HS3ST4: variants seen among roughly 807,000 people sequenced by gnomAD.
HS3ST4 encodes the protein heparan sulfate-glucosamine 3-sulfotransferase 4.
A neutral mutation model predicts 29.2 loss-of-function variants in HS3ST4; 17 were observed. That is an observed-to-expected ratio of 0.58 (90% CI 0.40 to 0.87). The LOEUF (loss-of-function observed/expected upper bound fraction) is 0.87. HS3ST4 is among the 40% of genes least tolerant of loss of function. The pLI is 0.00. For synonymous variants in HS3ST4, 314 were observed against 285.7 expected (o/e 1.10, Z -1.00); for missense variants, 627 against 634.5 (o/e 0.99, Z 0.13).
intron 1 of HS3ST4, among the ~76,000 whole-genome samples, chr16:25,862,514 G>A (rs1021449431): frequency 2.0e-5 from 3 of 152,136 alleles, no homozygotes; most frequent in Non-Finnish European, 2.9e-5. Context: ...ATGTAATGCC[G>A]ATGCTGATAT....
chr16:26,037,038 T>C (rs1383829306), intron 1 of HS3ST4, among the ~76,000 whole-genome samples: 1 of 152,184 alleles, frequency 6.6e-6, no homozygotes, highest in Non-Finnish European at 1.5e-5. Context: ...AACCCTCCCA[T>C]TGTGTGACTT....
At chr16:25,799,372 A>C (rs1324844581) in intron 1 of HS3ST4, among the ~76,000 whole-genome samples, 1 of 152,206 alleles carries the variant, frequency 6.6e-6, no homozygotes, top group Non-Finnish European at 1.5e-5. Context: ...AAAAGTCCCC[A>C]ATTAAATATT....
chr16:25,801,531 G>A (rs1966934276), intron 1 of HS3ST4, among the ~76,000 whole-genome samples: 1 of 152,166 alleles, frequency 6.6e-6, no homozygotes, highest in Non-Finnish European at 1.5e-5. Context: ...ACTACTTGCT[G>A]TTTGCTGGGT....
At chr16:25,896,959 G>A (rs544699668) in intron 1 of HS3ST4, among the ~76,000 whole-genome samples, 2 of 152,274 alleles carry the variant, frequency 1.3e-5, no homozygotes, top group East Asian at 3.9e-4. Context: ...GGGTGCTTAC[G>A]GAGTAAAGAT....
At chr16:25,949,117 AAG>A (rs1011259268) in intron 1 of HS3ST4, among the ~76,000 whole-genome samples, 2 of 151,926 alleles carry the variant, frequency 1.3e-5, no homozygotes, top group Admixed American at 6.6e-5. Flanking sequence ...TATGGGGTAA[AAG>A]AGATTTTTTG....
At chr16:25,903,863 C>T (rs1968147779) in intron 1 of HS3ST4, among the ~76,000 whole-genome samples, 1 of 151,786 alleles carries the variant, frequency 6.6e-6, no homozygotes, top group Admixed American at 6.6e-5. Flanking sequence ...GGTCATTTTC[C>T]ATGTTTTAGG....
At chr16:26,017,600 C>T (rs1275833959) in intron 1 of HS3ST4, among the ~76,000 whole-genome samples, 4 of 152,182 alleles carry the variant, frequency 2.6e-5, no homozygotes, top group Admixed American at 2.6e-4. Context: ...CAAAGCAGCA[C>T]TTTCTAATGA....
At chr16:25,755,839 C>G (rs1966754319) in intron 1 of HS3ST4, among the ~76,000 whole-genome samples, 2 of 152,080 alleles carry the variant, frequency 1.3e-5, no homozygotes, top group South Asian at 4.2e-4. Flanking sequence ...CAACTGTATT[C>G]CCAAAATTGA....
intron 1 of HS3ST4, among the ~76,000 whole-genome samples, chr16:26,098,141 G>A (rs1042515620): frequency 6.6e-6 from 1 of 152,192 alleles, no homozygotes. Flanking sequence ...TGGTGGGAGT[G>A]TAAATTAGTT....
intron 1 of HS3ST4, among the ~76,000 whole-genome samples, chr16:26,009,651 C>A (rs1969292487): frequency 6.6e-6 from 1 of 152,166 alleles, no homozygotes. Context: ...AGACTGTGGT[C>A]AAGCGAAGGA....
At chr16:25,968,809 G>A (rs1968869393) in intron 1 of HS3ST4, among the ~76,000 whole-genome samples, 2 of 152,034 alleles carry the variant, frequency 1.3e-5, no homozygotes, top group African/African-American at 4.8e-5. Context: ...CAAAATTTTT[G>A]TTTGTTTGTT....
chr16:25,715,295 G>C (rs1170993827), intron 1 of HS3ST4, among the ~76,000 whole-genome samples: 1 of 133,364 alleles, frequency 7.5e-6, no homozygotes, highest in Non-Finnish European at 1.5e-5. Context: ...GCAGTCCGCA[G>C]TCCGGCCTGG....
chr16:25,699,040 T>A (rs1966317713), intron 1 of HS3ST4, among the ~76,000 whole-genome samples: 1 of 152,224 alleles, frequency 6.6e-6, no homozygotes, highest in Admixed American at 6.5e-5. Flanking sequence ...ATCTTTTGAT[T>A]TTTAATATTG....
At chr16:25,873,300 AT>A (rs1967777473) in intron 1 of HS3ST4, among the ~76,000 whole-genome samples, 1 of 110,916 alleles carries the variant, frequency 9.0e-6, no homozygotes, top group Non-Finnish European at 2.0e-5. Context: ...CCATCCATCC[AT>A]CCATCCATCC....
chr16:25,709,155 C>T lies in HS3ST4; in HGVS notation c.734+16004C>T, dbSNP rs1258799628. Among the ~76,000 whole-genome samples, 3 of 150,834 alleles carry T rather than the reference C, an allele frequency of 2.0e-5. No homozygotes were observed. The East Asian group carries it at 5.8e-4, about 29-fold the overall frequency. ...AGATCTCTGCTTCTGGATTCTCTGTCGCCGCTCAGATGGTTGACTGAGTTC... is the reference window on the plus strand; with the variant it reads ...AGATCTCTGCTTCTGGATTCTCTGTTGCCGCTCAGATGGTTGACTGAGTTC... On this transcript the variant is annotated intron_variant, in intron 1 of 1. Transcript: ENST00000331351.
chr16:26,087,299 G>A (rs996417564), intron 1 of HS3ST4, among the ~76,000 whole-genome samples: 1 of 152,196 alleles, frequency 6.6e-6, no homozygotes, highest in African/African-American at 2.4e-5. Context: ...CAATCATCTG[G>A]ACTTGGTTAG....
chr16:25,852,261 G>A (rs1209082675), intron 1 of HS3ST4, among the ~76,000 whole-genome samples: 1 of 152,004 alleles, frequency 6.6e-6, no homozygotes, highest in Non-Finnish European at 1.5e-5. Flanking sequence ...CTCCTTAAGT[G>A]CTTCTGAAAG....
intron 1 of HS3ST4, among the ~76,000 whole-genome samples, chr16:25,944,816 A>G (rs563221176): frequency 8.7e-4 from 132 of 152,308 alleles, no homozygotes; most frequent in African/African-American, 3.2e-3. Context: ...CCAGTCATCA[A>G]TAAAAGCCCC....
chr16:25,718,505 A>C (rs1966473024), intron 1 of HS3ST4, among the ~76,000 whole-genome samples: 1 of 150,800 alleles, frequency 6.6e-6, no homozygotes, highest in South Asian at 2.1e-4. Flanking sequence ...GAAATGGGAG[A>C]GAGAGAGAGA....
Sources: allele counts gnomAD v4.1 joint callset (sites outside exome capture counted in the v4.1 genomes callset), GRCh38; gene constraint gnomAD v4.1.1; transcripts MANE v1.5; gene names NCBI Gene and HGNC (gene_info 2026-07-23, HGNC 2026-07-21).